EPHX4: variants seen among roughly 807,000 people sequenced by gnomAD.
EPHX4 encodes abhydrolase domain containing 7.
Under a neutral mutation model 44.9 loss-of-function variants are expected in EPHX4, and 31 were observed. That is an observed-to-expected ratio of 0.69 (90% CI 0.52 to 0.93). The LOEUF is 0.93. EPHX4 is among the 40% of genes least tolerant of loss of function. EPHX4 has a pLI of 0.00. For synonymous variants in EPHX4, 151 were observed against 159.7 expected (o/e 0.95, Z 0.41); for missense variants, 373 against 438.1 (o/e 0.85, Z 1.33).
chr1:92,048,317 G>A (rs190651395), intron 4 of EPHX4, among the ~76,000 whole-genome samples: 206 of 152,256 alleles, frequency 1.4e-3, no homozygotes, highest in Admixed American at 2.8e-3. Context: ...CTACATGCTC[G>A]TTCAATTGAT....
At chr1:92,058,460 C>T (rs1380128660) in intron 6 of EPHX4, among the ~76,000 whole-genome samples, 1 of 150,506 alleles carries the variant, frequency 6.6e-6, no homozygotes. Flanking sequence ...AAAAAAAAAT[C>T]CATTAATTTG....
chr1:92,040,577 G>A (rs113804761), intron 2 of EPHX4, among the ~76,000 whole-genome samples: 1,826 of 152,002 alleles, frequency 0.012, 33 homozygotes, highest in African/African-American at 0.042. Flanking sequence ...CACCTGCCTC[G>A]GCCTCCCAAA....
chr1:92,040,420 C>T (rs1457675638), intron 2 of EPHX4, among the ~76,000 whole-genome samples: 1 of 151,254 alleles, frequency 6.6e-6, no homozygotes, highest in African/African-American at 2.4e-5. Flanking sequence ...TCTCAGCTCA[C>T]CTCAACCTCC....
Position 92,052,529 on chromosome 1 carries a change from C to T in EPHX4, c.728C>T (p.Thr243Ile). The change falls in exon 6 of 7, where the codon ACC (threonine) becomes ATC (isoleucine). Residue 243 changes from threonine (T) to isoleucine (I), a missense_variant. Physicochemically the swap from Thr to Ile is moderately conservative, Grantham distance 89. Transcript: ENST00000370383. ...NDFKVLKHLF[T>I]SHSTGIGRKG... ...AATTAGGTTTTGAAACATCTGTTTA[C>T]CAGTCACAGCACTGGCATTGGAAGA... 1 of 1,603,914 alleles carries T rather than the reference C, an allele frequency of 6.2e-7. No homozygotes were observed. Among genetic ancestry groups the T allele is most frequent in the Non-Finnish European group, 8.5e-7 (1 of 1,177,012 alleles).
chr1:92,042,747 A>C lies in EPHX4; in HGVS notation c.318-76A>C, dbSNP rs547500194. On this transcript the variant is annotated intron_variant, in intron 2 of 6. Transcript: ENST00000370383. The stretch of plus-strand genomic sequence containing the variant: ...CTCAAAAAAAAAAAAAAAAAAAGAA[A>C]GGAAAAAGAAAATCTGTAATGTTAC... 8.6e-5 allele frequency: 113 copies of C among 1,314,508 alleles called. 3 individuals are homozygous for C. The South Asian group carries it at 1.6e-3, about 18-fold the overall frequency. 81.4% of individuals were successfully genotyped at this position (1,314,508 alleles called of 1,614,324 possible).
intron 2 of EPHX4, 71 bp downstream of exon 2, chr1:92,032,661 T>C: frequency 3.3e-6 from 4 of 1,205,782 alleles, no homozygotes; most frequent in Non-Finnish European, 4.9e-6. Context: ...TTTGTGCTGC[T>C]GTAACAGAAT....
intron 3 of EPHX4, chr1:92,043,939 A>G (rs1218700456): frequency 6.6e-6 from 1 of 152,274 alleles, no homozygotes; most frequent in Non-Finnish European, 1.5e-5. Context: ...AAGTCAAGCT[A>G]CATAGCCACC....
intron 2 of EPHX4, among the ~76,000 whole-genome samples, chr1:92,035,547 T>A (rs1688425513): frequency 6.6e-6 from 1 of 152,174 alleles, no homozygotes; most frequent in African/African-American, 2.4e-5. Flanking sequence ...CAAATAATAA[T>A]TTCCTAACTC....
chr1:92,030,018 G>A lies in EPHX4; in HGVS notation c.-62G>A, dbSNP rs1394160941. 1.5e-6 allele frequency: 2 copies of A among 1,294,702 alleles called. No individual in the cohort carries two copies. Among genetic ancestry groups the A allele is most frequent in the Non-Finnish European group, 1.0e-6 (1 of 989,900 alleles). 80.2% of individuals were successfully genotyped at this position (1,294,702 alleles called of 1,614,324 possible). A position where few individuals can be genotyped will look rare whatever the true frequency, so the allele number is the denominator to read the frequency against. On this transcript the variant is annotated 5_prime_UTR_variant, in exon 1 of 7. Transcript: ENST00000370383. ...AGAGGCGACGGCGGGCTGGCCTGGC[G>A]CGCTGCGGCGCTCGCTCACCCGCTC... is the stretch of plus-strand genomic sequence containing the variant.
rs1404663097 is a variant in EPHX4 at position 92,032,528 on chromosome 1, T to C, written c.255T>C (p.Tyr85=). The C allele has an allele frequency of 9.3e-6, 15 of 1,614,012 alleles. No homozygotes were observed. The highest frequency in any genetic ancestry group is 1.2e-5 in the Non-Finnish European group (14 of 1,179,992). ...AGGATTCAGGGTTAAGATTTCACTA[T>C]GTTGCTGCTGGAGAAAGAGGCAAAC... is the stretch of plus-strand genomic sequence containing the variant. The part of the protein sequence containing the change: ...RIKDSGLRFH[Y]VAAGERGKPL... The change falls in exon 2 of 7, where the codon TAT becomes TAC. Residue 85 remains tyrosine, a synonymous_variant. Transcript: ENST00000370383.
intron 6 of EPHX4, among the ~76,000 whole-genome samples, chr1:92,053,186 A>G (rs1647296682): frequency 6.6e-6 from 1 of 152,188 alleles, no homozygotes; most frequent in Non-Finnish European, 1.5e-5. Flanking sequence ...TGTTAGACCA[A>G]AGAAGTGAAG....
intron 6 of EPHX4, among the ~76,000 whole-genome samples, chr1:92,060,905 G>A (rs1232706635): frequency 5.3e-5 from 8 of 150,334 alleles, no homozygotes; most frequent in African/African-American, 1.2e-4. Context: ...TTTTTAAGAC[G>A]GAGTTTGCTC....
intron 3 of EPHX4, among the ~76,000 whole-genome samples, chr1:92,045,257 T>A (rs575001983): frequency 6.6e-6 from 1 of 152,048 alleles, no homozygotes; most frequent in African/African-American, 2.4e-5. Context: ...AGTGTTGAGA[T>A]TATAGGTGTG....
chr1:92,060,944 G>A (rs1161605189), intron 6 of EPHX4, among the ~76,000 whole-genome samples: 2 of 151,058 alleles, frequency 1.3e-5, no homozygotes, highest in Non-Finnish European at 2.9e-5. Context: ...GCAATGGTGC[G>A]ATCTTGGCTC....
At chr1:92,036,362 A>G (rs940874558) in intron 2 of EPHX4, among the ~76,000 whole-genome samples, 10 of 152,140 alleles carry the variant, frequency 6.6e-5, no homozygotes, top group African/African-American at 1.7e-4. Flanking sequence ...TTTACTCCTC[A>G]TGAGAGCCCT....
intron 2 of EPHX4, among the ~76,000 whole-genome samples, chr1:92,034,189 A>G (rs1688403157): frequency 6.7e-6 from 1 of 148,880 alleles, no homozygotes; most frequent in Non-Finnish European, 1.5e-5. Flanking sequence ...ACTCCCAGCT[A>G]CTCGGGAGGC....
intron 1 of EPHX4, among the ~76,000 whole-genome samples, chr1:92,031,411 G>A (rs1688358545): frequency 6.6e-6 from 1 of 152,144 alleles, no homozygotes; most frequent in South Asian, 2.1e-4. Flanking sequence ...GGTAAAAGTA[G>A]TATAAGAACC....
rs1183193283 is a variant in EPHX4, at chr1:92,063,350, A to T, written c.*64A>T. ...TCTAAATAATTTTTAAAAATTGTTC[A>T]TCAACTTCTTTATGTTTTATTAGAA... is the stretch of plus-strand genomic sequence containing the variant. On this transcript the variant is annotated 3_prime_UTR_variant, in exon 7 of 7. Transcript: ENST00000370383. 1.6e-6 allele frequency: 2 copies of T among 1,218,524 alleles called. No homozygotes were observed. Among genetic ancestry groups the T allele is most frequent in the East Asian group, 2.6e-5 (1 of 39,016 alleles). The allele number at this position is 1,218,524 out of a possible 1,614,324, so 75.5% of individuals were successfully genotyped here. A position where few individuals can be genotyped will look rare whatever the true frequency, so the allele number is the denominator to read the frequency against.
In EPHX4 at chr1:92,045,647, A is replaced by T; in HGVS notation, c.591A>T (p.Pro197=). The part of the protein sequence containing the change: ...MKLIVINFPH[P]NVFTEYILRH... The stretch of plus-strand genomic sequence containing the variant: ...TTATTGTTATTAACTTCCCTCATCC[A>T]AATGTATTTACAGGTGAGTTCAAGT... The change falls in exon 4 of 7, where the codon CCA becomes CCT. Residue 197 remains proline (P), a synonymous_variant. Transcript: ENST00000370383. The T allele has an allele frequency of 1.2e-6, 2 of 1,614,030 alleles. No homozygotes were observed. Among genetic ancestry groups the T allele is most frequent in the Non-Finnish European group, 1.7e-6 (2 of 1,179,968 alleles).
Sources: allele counts gnomAD v4.1 joint callset (sites outside exome capture counted in the v4.1 genomes callset), GRCh38; gene constraint gnomAD v4.1.1; transcripts MANE v1.5; gene names NCBI Gene and HGNC (gene_info 2026-07-23, HGNC 2026-07-21).